The following GALNT7 variants were observed in gnomAD, a reference collection of about 807,000 sequenced individuals.
The protein encoded by GALNT7 is N-acetylgalactosaminyltransferase 7.
GALNT7 carries 60 observed loss-of-function variants against 82.1 expected under a neutral mutation model. That is an observed-to-expected ratio of 0.73 (90% CI 0.59 to 0.91). The LOEUF is 0.91. Among genes scored for constraint, GALNT7 ranks in the 40% least tolerant of loss-of-function variants. The pLI is 0.00. For missense variants in GALNT7, 660 were observed against 804.2 expected, an observed-to-expected ratio of 0.82 and a Z score of 2.17; for synonymous variants, 243 against 275.1, an observed-to-expected ratio of 0.88 and a Z score of 1.15.
At chr4:173,173,792 G>A (rs1731953991) in intron 1 of GALNT7, among the ~76,000 whole-genome samples, 1 of 152,184 alleles carries the variant, frequency 6.6e-6, no homozygotes, top group Admixed American at 6.5e-5. Context: ...GGTTCAGGGT[G>A]TATATAATAG....
intron 1 of GALNT7, among the ~76,000 whole-genome samples, chr4:173,243,240 A>G (rs1220775214): frequency 6.6e-6 from 1 of 152,220 alleles, no homozygotes; most frequent in Admixed American, 6.5e-5. Context: ...AATATTACAT[A>G]TAAGCAGGAT....
In GALNT7 at chr4:173,231,741, G is replaced by C. The variant is rs186006077; in HGVS notation, c.127-16239G>C. On this transcript the variant is annotated intron_variant, in intron 1 of 11. Transcript: ENST00000265000. ...CAGGCCCTCCTTTAAATATATGGAGGCCAGGAAACATGTTTCCTGTTGAAT... is the reference window on the plus strand; with the variant it reads ...CAGGCCCTCCTTTAAATATATGGAGCCCAGGAAACATGTTTCCTGTTGAAT... Among the ~76,000 whole-genome samples the C allele has an allele frequency of 2.8e-3, 420 of 152,180 alleles. 5 individuals are homozygous for C. The highest frequency in any genetic ancestry group is 0.017 in the Middle Eastern group (5 of 294).
At chr4:173,204,100 G>A (rs1027711068) in intron 1 of GALNT7, among the ~76,000 whole-genome samples, 7 of 152,142 alleles carry the variant, frequency 4.6e-5, no homozygotes, top group Admixed American at 4.6e-4. Context: ...GCTTAGCCAG[G>A]TACAGTATTC....
At chr4:173,194,430 G>A (rs1732713434) in intron 1 of GALNT7, among the ~76,000 whole-genome samples, 1 of 152,156 alleles carries the variant, frequency 6.6e-6, no homozygotes, top group African/African-American at 2.4e-5. Context: ...GAAACTTTTT[G>A]TCAACACGTC....
chr4:173,236,097 G>A (rs1330264733), intron 1 of GALNT7, among the ~76,000 whole-genome samples: 1 of 152,128 alleles, frequency 6.6e-6, no homozygotes, highest in Non-Finnish European at 1.5e-5. Context: ...GCAACAAGGG[G>A]ATCACAAAAA....
intron 2 of GALNT7, among the ~76,000 whole-genome samples, chr4:173,267,863 A>G (rs557338234): frequency 1.3e-5 from 2 of 152,278 alleles, no homozygotes; most frequent in Admixed American, 1.3e-4. Flanking sequence ...GTTGGAGGTC[A>G]CAGTTGTTGG....
At chr4:173,182,925 TACACAC>T (rs61378172) in intron 1 of GALNT7, among the ~76,000 whole-genome samples, 1 of 134,198 alleles carries the variant, frequency 7.5e-6, no homozygotes, top group Non-Finnish European at 1.6e-5. Context: ...TTACTCATAA[TACACAC>T]ACACACACAC....
intron 1 of GALNT7, among the ~76,000 whole-genome samples, chr4:173,193,952 T>A (rs893396223): frequency 2.6e-5 from 4 of 152,254 alleles, no homozygotes; most frequent in African/African-American, 9.6e-5. Flanking sequence ...TAATTATTGC[T>A]TTACTTATGA....
At chr4:173,180,376 G>A (rs1000805614) in intron 1 of GALNT7, among the ~76,000 whole-genome samples, 5 of 136,014 alleles carry the variant, frequency 3.7e-5, no homozygotes, top group African/African-American at 8.4e-5. Context: ...CATGCAGGCC[G>A]GAGTGCAATG....
chr4:173,307,900 A>C (rs1398778217), intron 8 of GALNT7, among the ~76,000 whole-genome samples: 2 of 152,170 alleles, frequency 1.3e-5, no homozygotes, highest in Admixed American at 6.5e-5. Context: ...GAATGTTCAG[A>C]TGCATCTCCC....
intron 2 of GALNT7, among the ~76,000 whole-genome samples, chr4:173,267,080 T>A (rs1269422638): frequency 6.6e-6 from 1 of 152,084 alleles, no homozygotes; most frequent in Non-Finnish European, 1.5e-5. Context: ...AAAGAATATT[T>A]GGGATGTTCC....
intron 1 of GALNT7, among the ~76,000 whole-genome samples, chr4:173,224,868 A>C (rs1251358700): frequency 3.3e-5 from 5 of 151,686 alleles, no homozygotes; most frequent in African/African-American, 1.2e-4. Context: ...AAAAAAAATT[A>C]GCCAGGCGTG....
chr4:173,258,567 G>A (rs1441802674), intron 2 of GALNT7, among the ~76,000 whole-genome samples: 1 of 152,190 alleles, frequency 6.6e-6, no homozygotes, highest in Non-Finnish European at 1.5e-5. Flanking sequence ...CAGCATCACT[G>A]TCCCTGTGTT....
intron 1 of GALNT7, among the ~76,000 whole-genome samples, chr4:173,192,220 A>G (rs1732650380): frequency 6.6e-6 from 1 of 152,132 alleles, no homozygotes; most frequent in African/African-American, 2.4e-5. Context: ...CTATATAAAG[A>G]AGCGTTATTC....
chr4:173,314,151 C>CA lies in GALNT7; in HGVS notation c.1584dup (p.Pro529ThrfsTer5). The stretch of plus-strand genomic sequence containing the variant: ...GATATCACCTCACACTACCCTTTGC[C>CA]ACCCAAAAATGTTGACTGGGGAGAA... On this transcript the variant is annotated frameshift_variant, in exon 9 of 12. Transcript: ENST00000265000. LOFTEE classifies it high-confidence loss of function. 1 of 1,612,136 alleles carries CA rather than the reference C, an allele frequency of 6.2e-7. No homozygotes were observed.
At chr4:173,265,756 T>C (rs2126776243) in intron 2 of GALNT7, among the ~76,000 whole-genome samples, 1 of 150,318 alleles carries the variant, frequency 6.7e-6, no homozygotes, top group South Asian at 2.1e-4. Context: ...CACATGTCTT[T>C]TCAGAGTTTT....
At chr4:173,244,005 G>A (rs199856011) in intron 1 of GALNT7, among the ~76,000 whole-genome samples, 3 of 152,196 alleles carry the variant, frequency 2.0e-5, no homozygotes, top group African/African-American at 7.2e-5. Flanking sequence ...GCAGTGGTGC[G>A]TACGATGGAC....
At chr4:173,254,006 T>G (rs1734938709) in intron 2 of GALNT7, among the ~76,000 whole-genome samples, 1 of 152,230 alleles carries the variant, frequency 6.6e-6, no homozygotes, top group South Asian at 2.1e-4. Flanking sequence ...ATGAATTAAA[T>G]ATTTTGACTT....
At chr4:173,264,825 G>A (rs1735420180) in intron 2 of GALNT7, among the ~76,000 whole-genome samples, 1 of 152,232 alleles carries the variant, frequency 6.6e-6, no homozygotes, top group Non-Finnish European at 1.5e-5. Context: ...ACTCGAGCCT[G>A]AACTTTGTGG....
Sources: gnomAD v4.1 joint callset for allele counts (sites outside exome capture counted in the v4.1 genomes callset) on GRCh38, gnomAD v4.1.1 for gene constraint, MANE v1.5 for transcripts, NCBI Gene and HGNC (gene_info 2026-07-23, HGNC 2026-07-21) for gene names.